The following MYO1C variants were observed in gnomAD, a reference collection of about 807,000 sequenced individuals.
MYO1C encodes myosin IC.
MYO1C carries 104 observed loss-of-function variants against 150.8 expected under a neutral mutation model. The ratio of observed to expected loss-of-function variants is 0.69; its 90% CI spans 0.59 to 0.81. MYO1C has a LOEUF of 0.81. Among genes scored for constraint, MYO1C ranks in the 30% least tolerant of loss-of-function variants. MYO1C has a pLI of 0.00. For missense variants in MYO1C, 1,504 were observed against 1,435.0 expected, an observed-to-expected ratio of 1.05 and a Z score of -0.78; for synonymous variants, 663 against 579.9, an observed-to-expected ratio of 1.14 and a Z score of -2.06.
chr17:1,488,156 C>G (rs796491368), intron 1 of MYO1C, among the ~76,000 whole-genome samples: 1 of 150,906 alleles, frequency 6.6e-6, no homozygotes, highest in Non-Finnish European at 1.5e-5. Flanking sequence ...CAGTGTCCGC[C>G]CCGCCCCTCC....
At chr17:1,487,037 T>A (rs1049607097) in intron 1 of MYO1C, 1 of 152,452 alleles carries the variant, frequency 6.6e-6, no homozygotes. Context: ...GGTGGGACTC[T>A]GAGCAAGTCA....
At position 1,485,730 on chromosome 17, in the gene MYO1C, C is replaced by G. The variant is rs1387440166; in HGVS notation, c.76-1427G>C. 3 of 1,148,318 alleles carry G rather than the reference C, an allele frequency of 2.6e-6. No homozygotes were observed. The East Asian group carries it at 1.3e-4, about 49-fold the overall frequency. The allele number at this position is 1,148,318 out of a possible 1,614,324, so 71.1% of individuals were successfully genotyped here. ...AGCGCATCCTGCCCGGCCGGCCTGG[C>G]GCCCGCTCCGCTGCCCGCGCTCCGG... On this transcript the variant is annotated intron_variant, in intron 1 of 31. Coordinates refer to ENST00000648651, the MANE Select transcript of MYO1C (RefSeq NM_001080779.2).
chr17:1,470,386 A>AC, intron 23 of MYO1C, 49 bp downstream of exon 23: 3 of 1,543,608 alleles, frequency 1.9e-6, no homozygotes, highest in Non-Finnish European at 2.6e-6. Flanking sequence ...GCGGTGAACC[A>AC]CCCCCCACGC....
Position 1,480,710 on chromosome 17 carries a change from A to G in MYO1C, c.803T>C (p.Val268Ala). Residue 268 changes from valine (V) to alanine (A), a missense_variant, in exon 6 of 32, where the codon GTG becomes GCG. Physicochemically the swap from Val to Ala is moderately conservative, Grantham distance 64 (BLOSUM62 0). Transcript: ENST00000648651. Reference protein sequence around the residue: ...ERNPQSYLYLVKGQCAKVSSI... With the variant: ...ERNPQSYLYLAKGQCAKVSSI... Reference sequence around the variant, plus strand: ...CCCTCCCTGCCAGCCACTCACCTTCACCAGGTACAGGTAGCTCTGGGGGTT... The same window carrying G: ...CCCTCCCTGCCAGCCACTCACCTTCGCCAGGTACAGGTAGCTCTGGGGGTT... 6.2e-7 allele frequency: 1 copy of G among 1,613,994 alleles called. No homozygotes were observed. The highest frequency in any genetic ancestry group is 8.5e-7 in the Non-Finnish European group (1 of 1,179,976).
intron 17 of MYO1C, among the ~76,000 whole-genome samples, chr17:1,473,141 A>C (rs2074338178): frequency 6.6e-6 from 1 of 152,258 alleles, no homozygotes; most frequent in East Asian, 1.9e-4. Flanking sequence ...CAGAGGTTGC[A>C]GTGAGCCGAG....
At position 1,479,850 on chromosome 17, in the gene MYO1C, T is replaced by G. The variant is rs1263960774; in HGVS notation, c.907-145A>C. 1.5e-6 allele frequency: 1 copy of G among 647,454 alleles called. No individual in the cohort carries two copies. Among genetic ancestry groups the G allele is most frequent in the Non-Finnish European group, 2.7e-6 (1 of 364,826 alleles). 40.1% of individuals were successfully genotyped at this position (647,454 alleles called of 1,614,324 possible). On this transcript the variant is annotated intron_variant, in intron 7 of 31. Transcript: ENST00000648651. This position sits in a 1 kb window ranked among gnomAD's most constrained non-coding sequence, Gnocchi z 4.2. ...GGGAATGGGTGTTAAAGGTGGAAGG[T>G]GATTCTGCGGGTGGGATGGGCACGG... is the stretch of plus-strand genomic sequence containing the variant.
At position 1,491,377 on chromosome 17, in the gene MYO1C, C is replaced by G. The variant is rs377721279; in HGVS notation, c.75+1036G>C. ...GGGTCCTGCAGCCCAGGCCGCTCTT[C>G]CCCGCCTCCCGCTCCCCGCAGGTAA... On this transcript the variant is annotated intron_variant, in intron 1 of 31. Coordinates refer to ENST00000648651, the MANE Select transcript of MYO1C (RefSeq NM_001080779.2). 7.3e-4 allele frequency: 115 copies of G among 158,080 alleles called. 1 individual carries two copies. The East Asian group carries it at 0.014, about 19-fold the overall frequency. 9.8% of individuals were successfully genotyped at this position (158,080 alleles called of 1,614,324 possible).
rs1312828508 is a variant in MYO1C at position 1,478,054 on chromosome 17, G to T, written c.1401+33C>A. ...GGCCCCGATACCCAGGCTCCCCGTG[G>T]CCCACGGAGAGTGCCCCCAGGCTAG... On this transcript the variant is annotated intron_variant, in intron 12 of 31. Coordinates refer to ENST00000648651, the MANE Select transcript of MYO1C (RefSeq NM_001080779.2). The surrounding 1 kb of genome is among the most constrained non-coding windows in gnomAD (Gnocchi z 6.3). 1 of 1,612,468 alleles carries T rather than the reference G, an allele frequency of 6.2e-7. No individual in the cohort carries two copies. The highest frequency in any genetic ancestry group is 1.7e-5 in the Admixed American group (1 of 60,026).
At chr17:1,482,121 A>G (rs946738079) in intron 5 of MYO1C, among the ~76,000 whole-genome samples, 3 of 152,038 alleles carry the variant, frequency 2.0e-5, no homozygotes, top group African/African-American at 7.2e-5. Flanking sequence ...ATCATAGCTT[A>G]GGGTAACCTT....
In MYO1C at chr17:1,467,880, A is replaced by G; in HGVS notation, c.2927T>C (p.Leu976Pro). The change falls in exon 29 of 32, where the codon CTT (leucine) becomes CCT (proline). Residue 976 changes from leucine to proline, a missense_variant. Leu to Pro is a moderately conservative substitution (Grantham distance 98). Coordinates refer to ENST00000648651, the MANE Select transcript of MYO1C (RefSeq NM_001080779.2). Reference protein sequence around the residue: ...GISVSSLSDSLFVLHVQRADN... With the variant: ...GISVSSLSDSPFVLHVQRADN... Reference sequence around the variant, plus strand: ...CGCACGCTGTACATGAAGCACAAAAAGACTGTCGCTCAGGCTGCTGACAGA... The same window carrying G: ...CGCACGCTGTACATGAAGCACAAAAGGACTGTCGCTCAGGCTGCTGACAGA... The G allele has an allele frequency of 6.2e-7, 1 of 1,610,838 alleles. No individual in the cohort carries two copies. The highest frequency in any genetic ancestry group is 8.5e-7 in the Non-Finnish European group (1 of 1,179,454).
At chr17:1,473,581 C>T (rs901485215) in intron 17 of MYO1C, among the ~76,000 whole-genome samples, 1 of 152,142 alleles carries the variant, frequency 6.6e-6, no homozygotes, top group African/African-American at 2.4e-5. Flanking sequence ...GACTCACTGA[C>T]CTCACTCTTC....
At position 1,479,700 on chromosome 17, in the gene MYO1C, C is replaced by A; in HGVS notation, c.912G>T (p.Leu304=). The change falls in exon 8 of 32, where the codon CTG becomes CTT. Residue 304 remains leucine, a synonymous_variant. Coordinates refer to ENST00000648651, the MANE Select transcript of MYO1C (RefSeq NM_001080779.2). This position sits in a 1 kb window ranked among gnomAD's most constrained non-coding sequence, Gnocchi z 4.2. The part of the protein sequence containing the change: ...IDFTEDEVED[L]LSIVASVLHL... ...GAAGGACGCTGGCCACGATGCTCAG[C>A]AGGTCCTGGGGGAGCAGGCCGGGGG... is the stretch of plus-strand genomic sequence containing the variant. 2 of 1,610,256 alleles carry A rather than the reference C, an allele frequency of 1.2e-6. No individual in the cohort carries two copies. Among genetic ancestry groups the A allele is most frequent in the Non-Finnish European group, 1.7e-6 (2 of 1,178,632 alleles).
chr17:1,474,587 G>C (rs370240797), intron 17 of MYO1C, 23 bp downstream of exon 17: 3 of 1,612,386 alleles, frequency 1.9e-6, no homozygotes, highest in Admixed American at 3.3e-5. Context: ...GCACCCCTGC[G>C]CCCGGTCCCG....
rs1023240154 is a variant in MYO1C at position 1,478,864 on chromosome 17, G to C, written c.1093-129C>G. On this transcript the variant is annotated intron_variant, in intron 9 of 31. Coordinates refer to ENST00000648651, the MANE Select transcript of MYO1C (RefSeq NM_001080779.2). The surrounding 1 kb of genome is among the most constrained non-coding windows in gnomAD (Gnocchi z 6.3). Reference sequence around the variant, plus strand: ...CCAGCTCCAGCAAGCCTGCAGTATGGGGAGGGGTGCTGGTAGTGGGACCTC... The same window carrying C: ...CCAGCTCCAGCAAGCCTGCAGTATGCGGAGGGGTGCTGGTAGTGGGACCTC... 8.9e-6 allele frequency: 13 copies of C among 1,453,712 alleles called. No homozygotes were observed. The East Asian group carries it at 2.9e-4, about 32-fold the overall frequency. 90.1% of individuals were successfully genotyped at this position (1,453,712 alleles called of 1,614,324 possible).
intron 14 of MYO1C, among the ~76,000 whole-genome samples, chr17:1,476,235 G>C (rs2074401229): frequency 6.6e-6 from 1 of 151,166 alleles, no homozygotes; most frequent in African/African-American, 2.4e-5. Context: ...CTGGAGTGCA[G>C]TGGCACCATC....
rs753950535 is a variant in MYO1C at position 1,468,312 on chromosome 17, C to T, written c.2705-4G>A. 1 of 1,614,068 alleles carries T rather than the reference C, an allele frequency of 6.2e-7. No homozygotes were observed. The highest frequency in any genetic ancestry group is 8.5e-7 in the Non-Finnish European group (1 of 1,180,002). ...CGGGGGCTGATCTCATCTGTACCTG[C>T]AACTCAGATGGCGGGGAGGGAAGTC... is the stretch of plus-strand genomic sequence containing the variant. On this transcript the variant is annotated splice_polypyrimidine_tract_variant and splice_region_variant and intron_variant, in intron 26 of 31. Coordinates refer to ENST00000648651, the MANE Select transcript of MYO1C (RefSeq NM_001080779.2).
Position 1,468,127 on chromosome 17 carries a change from G to A in MYO1C, c.2761-4C>T, listed in dbSNP as rs1265889557. ...ATTTCACAACAGGCACCGCATACTG[G>A]GGACAGAGGCCAGGCTGAAGGGGCT... On this transcript the variant is annotated splice_polypyrimidine_tract_variant and splice_region_variant and intron_variant, in intron 27 of 31. Transcript: ENST00000648651. 1 of 1,613,396 alleles carries A rather than the reference G, an allele frequency of 6.2e-7. No homozygotes were observed. Among genetic ancestry groups the A allele is most frequent in the Non-Finnish European group, 8.5e-7 (1 of 1,179,996 alleles).
Position 1,467,292 on chromosome 17 carries a change from G to A in MYO1C, c.3115C>T (p.Pro1039Ser), listed in dbSNP as rs777308911. 2 of 1,613,704 alleles carry A rather than the reference G, an allele frequency of 1.2e-6. No homozygotes were observed. Among genetic ancestry groups the A allele is most frequent in the East Asian group, 4.5e-5 (2 of 44,878 alleles). ...PGRDGTIDFT[P>S]GSELLITKAK... Reference sequence around the variant, plus strand: ...TTGGTGATGAGCAGCTCCGAGCCGGGTGTGAAGTCAATGGTGCCATCCCTG... The same window carrying A: ...TTGGTGATGAGCAGCTCCGAGCCGGATGTGAAGTCAATGGTGCCATCCCTG... The change falls in exon 31 of 32, where the codon CCC becomes TCC. Residue 1039 changes from proline (P) to serine (S), a missense_variant. Physicochemically the swap from Pro to Ser is moderately conservative, Grantham distance 74. Transcript: ENST00000648651.
chr17:1,471,920 C>G lies in MYO1C; in HGVS notation c.2008G>C (p.Ala670Pro). The G allele has an allele frequency of 6.2e-7, 1 of 1,614,122 alleles. No individual in the cohort carries two copies. Among genetic ancestry groups the G allele is most frequent in the Admixed American group, 1.7e-5 (1 of 60,032 alleles). ...AGFAYRRKYEAFLQRYKSLCP... is the reference protein window; with the variant it reads ...AGFAYRRKYEPFLQRYKSLCP... ...ACCTGCCCCCACCTTTGCAGGAAAGCTTCGTATTTGCGGCGATAGGCAAAG... is the reference window on the plus strand; with the variant it reads ...ACCTGCCCCCACCTTTGCAGGAAAGGTTCGTATTTGCGGCGATAGGCAAAG... The change falls in exon 19 of 32, where the codon GCT (alanine) becomes CCT (proline). Residue 670 changes from alanine to proline, a missense_variant. By Grantham distance (27) the Ala-to-Pro change is conservative. Transcript: ENST00000648651.
Sources: gnomAD v4.1 joint callset for allele counts (sites outside exome capture counted in the v4.1 genomes callset) on GRCh38, gnomAD v4.1.1 for gene constraint, Gnocchi (gnomAD v3.1) non-coding constraint, MANE v1.5 for transcripts, NCBI Gene and HGNC (gene_info 2026-07-23, HGNC 2026-07-21) for gene names.